Variants in OPCML observed in about 807,000 individuals in gnomAD.
The protein encoded by OPCML is opioid binding protein/cell adhesion molecule like.
Under a neutral mutation model 37.8 loss-of-function variants are expected in OPCML, and 13 were observed. That is an observed-to-expected ratio of 0.34 (90% CI 0.22 to 0.55). The LOEUF is 0.55. Among genes scored for constraint, OPCML ranks in the 20% least tolerant of loss-of-function variants. OPCML has a pLI of 0.91. For missense variants in OPCML, 341 were observed against 435.6 expected, an observed-to-expected ratio of 0.78 and a Z score of 1.93; for synonymous variants, 176 against 168.8, an observed-to-expected ratio of 1.04 and a Z score of -0.33.
chr11:132,633,688 G>A (rs1377110160), intron 3 of OPCML, among the ~76,000 whole-genome samples: 6 of 152,224 alleles, frequency 3.9e-5, no homozygotes, highest in Admixed American at 1.3e-4. Flanking sequence ...ATCAGATTGA[G>A]CCATCTCTTC....
intron 2 of OPCML, among the ~76,000 whole-genome samples, chr11:132,743,477 T>G (rs1296167836): frequency 6.6e-6 from 1 of 152,168 alleles, no homozygotes; most frequent in Non-Finnish European, 1.5e-5. Flanking sequence ...GAGCAGAAGA[T>G]CTTTTTGCCT....
At chr11:133,354,010 G>A (rs955437984) in intron 1 of OPCML, among the ~76,000 whole-genome samples, 1 of 151,952 alleles carries the variant, frequency 6.6e-6, no homozygotes, top group African/African-American at 2.4e-5. Flanking sequence ...TGCCTCTAGG[G>A]CTGCTATTCT....
chr11:132,986,904 G>A (rs1027258810), intron 1 of OPCML, among the ~76,000 whole-genome samples: 1 of 152,144 alleles, frequency 6.6e-6, no homozygotes, highest in African/African-American at 2.4e-5. Context: ...TCTTGAAAAA[G>A]TTGAACGTTT....
intron 3 of OPCML, among the ~76,000 whole-genome samples, chr11:132,648,255 T>G (rs1186214553): frequency 1.3e-5 from 2 of 152,214 alleles, no homozygotes; most frequent in Non-Finnish European, 2.9e-5. Context: ...TAATTTGTCC[T>G]TCTTCTGAGG....
rs150305646 is a variant in OPCML at position 132,716,157 on chromosome 11, C to T, written c.147-58838G>A. ...AGCTGCCTGGAGGTCTGCACTGTGG[C>T]CTGCACCTCCCATGTGCAGGCAGGT... On this transcript the variant is annotated intron_variant, in intron 2 of 7. Coordinates refer to ENST00000524381, the MANE Select transcript of OPCML (RefSeq NM_001012393.5). Among the ~76,000 whole-genome samples the T allele has an allele frequency of 8.7e-3, 1,328 of 152,256 alleles. 10 individuals carry two copies. The highest frequency in any genetic ancestry group is 0.017 in the South Asian group (81 of 4,820).
At chr11:133,389,867 A>C (rs193252808) in intron 1 of OPCML, among the ~76,000 whole-genome samples, 80 of 152,332 alleles carry the variant, frequency 5.3e-4, no homozygotes, top group African/African-American at 1.7e-3. Flanking sequence ...ATTGACAATG[A>C]AGAAGGATGT....
chr11:132,954,970 G>A (rs1945946399), intron 1 of OPCML, among the ~76,000 whole-genome samples: 1 of 152,196 alleles, frequency 6.6e-6, no homozygotes, highest in Non-Finnish European at 1.5e-5. Flanking sequence ...GCTAGCAGAG[G>A]ATGGACAACC....
At chr11:133,294,815 CTTTTTTT>C (rs59382534) in intron 1 of OPCML, among the ~76,000 whole-genome samples, 18 of 56,564 alleles carry the variant, frequency 3.2e-4, no homozygotes, top group African/African-American at 9.0e-4. Context: ...TTCTTTCTTT[CTTTTTTT>C]TTTTTTTTTT....
chr11:133,518,930 G>T (rs1006890868), intron 1 of OPCML, among the ~76,000 whole-genome samples: 7 of 152,176 alleles, frequency 4.6e-5, no homozygotes, highest in African/African-American at 1.4e-4. Context: ...GGTATGTCAG[G>T]CCAGGAGCAG....
chr11:132,856,133 A>C (rs1178803531), intron 2 of OPCML, among the ~76,000 whole-genome samples: 3 of 152,238 alleles, frequency 2.0e-5, no homozygotes. Flanking sequence ...CTAGGCATAA[A>C]AATTTGCTTT....
chr11:133,446,045 T>C (rs924202636), intron 1 of OPCML, among the ~76,000 whole-genome samples: 6 of 152,134 alleles, frequency 3.9e-5, no homozygotes, highest in Non-Finnish European at 7.4e-5. Flanking sequence ...ATTAAAGAAA[T>C]AGAGCAAAAC....
chr11:133,169,077 C>T (rs762247412), intron 1 of OPCML, among the ~76,000 whole-genome samples: 43 of 152,176 alleles, frequency 2.8e-4, no homozygotes, highest in South Asian at 4.2e-4. Flanking sequence ...TTGCATGAGC[C>T]GAGATCGCGC....
intron 1 of OPCML, among the ~76,000 whole-genome samples, chr11:133,306,129 A>G (rs1275478479): frequency 6.6e-6 from 1 of 152,172 alleles, no homozygotes; most frequent in African/African-American, 2.4e-5. Context: ...CACAGCCCTA[A>G]CTGGCATACA....
At chr11:133,091,600 G>A (rs1453112867) in intron 1 of OPCML, among the ~76,000 whole-genome samples, 5 of 152,252 alleles carry the variant, frequency 3.3e-5, no homozygotes, top group Admixed American at 1.3e-4. Flanking sequence ...ATTTAATGTC[G>A]TTTGCCCTAG....
intron 4 of OPCML, among the ~76,000 whole-genome samples, chr11:132,505,176 T>C (rs541793056): frequency 6.6e-6 from 1 of 152,224 alleles, no homozygotes; most frequent in Admixed American, 6.5e-5. Context: ...AGGCAGAGAA[T>C]AGGGGCAAGG....
At chr11:133,127,336 A>C (rs915592858) in intron 1 of OPCML, among the ~76,000 whole-genome samples, 1 of 152,102 alleles carries the variant, frequency 6.6e-6, no homozygotes, top group African/African-American at 2.4e-5. Flanking sequence ...AATGAGTCCA[A>C]AGTCATTTAT....
chr11:133,195,748 T>C (rs2136309902), intron 1 of OPCML, among the ~76,000 whole-genome samples: 1 of 152,332 alleles, frequency 6.6e-6, no homozygotes, highest in African/African-American at 2.4e-5. Flanking sequence ...CATAAGATTA[T>C]AAGCTCTATA....
intron 4 of OPCML, among the ~76,000 whole-genome samples, chr11:132,461,882 C>T (rs1400020165): frequency 2.0e-5 from 3 of 152,118 alleles, no homozygotes; most frequent in Non-Finnish European, 2.9e-5. Context: ...CACTCACTAT[C>T]ACGAGAACAG....
intron 2 of OPCML, among the ~76,000 whole-genome samples, chr11:132,718,531 C>T (rs931104436): frequency 2.6e-5 from 4 of 152,112 alleles, no homozygotes; most frequent in Admixed American, 1.3e-4. Context: ...ACTCTCACGA[C>T]GGTGGGGTGA....
Sources: allele counts gnomAD v4.1 joint callset (sites outside exome capture counted in the v4.1 genomes callset), GRCh38; gene constraint gnomAD v4.1.1; transcripts MANE v1.5; gene names NCBI Gene and HGNC (gene_info 2026-07-23, HGNC 2026-07-21).